COL15A1: variants seen among roughly 807,000 people sequenced by gnomAD.
The protein encoded by COL15A1 is collagen type XV alpha 1 chain.
In COL15A1, 111 loss-of-function variants were observed where a neutral mutation model predicts 165.9. That is an observed-to-expected ratio of 0.67 (90% confidence interval 0.57 to 0.78). The LOEUF is 0.78. COL15A1 is among the 30% of genes least tolerant of loss of function. The pLI is 0.00. For missense variants in COL15A1, 1,745 were observed against 1,789.7 expected (o/e 0.98, Z 0.45); for synonymous variants, 659 against 674.8 (o/e 0.98, Z 0.36).
At chr9:99,006,814 G>A (rs927867219) in intron 9 of COL15A1, among the ~76,000 whole-genome samples, 1 of 152,226 alleles carries the variant, frequency 6.6e-6, no homozygotes, top group African/African-American at 2.4e-5. Context: ...TCTGAAGATA[G>A]AAGGGCTATC....
At position 98,952,235 on chromosome 9, in the gene COL15A1, A is replaced by G. The variant is rs374600808; in HGVS notation, c.100+7985A>G. On this transcript the variant is annotated intron_variant, in intron 2 of 41. Coordinates refer to ENST00000375001, the MANE Select transcript of COL15A1 (RefSeq NM_001855.5). Reference sequence around the variant, plus strand: ...TCTCTGTGGTGTGTAAGTCATTCCAATTCTTCCATGGCTTTGTCAGCTGTA... The same window carrying G: ...TCTCTGTGGTGTGTAAGTCATTCCAGTTCTTCCATGGCTTTGTCAGCTGTA... Among the ~76,000 whole-genome samples the G allele has an allele frequency of 1.4e-4, 21 of 152,258 alleles. No individual in the cohort carries two copies. The East Asian group carries it at 3.7e-3, about 27-fold the overall frequency.
In COL15A1 at chr9:98,964,671, G is replaced by C. The variant is rs555072440; in HGVS notation, c.100+20421G>C. On this transcript the variant is annotated intron_variant, in intron 2 of 41. Coordinates refer to ENST00000375001, the MANE Select transcript of COL15A1 (RefSeq NM_001855.5). ...GGGTACCTAGTGTGTACCAAGCTCT[G>C]TATGAGGCCCTTTCCCATGCCATCT... Among the ~76,000 whole-genome samples, 8 of 152,326 alleles carry C rather than the reference G, an allele frequency of 5.3e-5. No individual in the cohort carries two copies. In the South Asian group the frequency reaches 1.5e-3, roughly 28 times the overall value.
rs776035195 is a variant in COL15A1, at chr9:99,035,093, C to T, written c.2159C>T (p.Pro720Leu). ...QAGPPGVMGP[P>L]GPPGPPGPPG... ...GGCCCTCCTGGGGTCATGGGACCCC[C>T]AGGGCCTCCTGGACCCCCTGGGCCC... The change falls in exon 18 of 42, where the codon CCA becomes CTA. Residue 720 changes from proline (P) to leucine (L), a missense_variant. Transcript: ENST00000375001. 2 of 1,608,860 alleles carry T rather than the reference C, an allele frequency of 1.2e-6. No homozygotes were observed. Among genetic ancestry groups the T allele is most frequent in the South Asian group, 1.1e-5 (1 of 90,952 alleles).
chr9:99,069,785 C>T lies in COL15A1; in HGVS notation c.4066C>T (p.Leu1356=). Reference sequence around the variant, plus strand: ...AGCGGTCACGGGACTTGCCTCCCCGCTGAGCACGGGGAAGATTCTGGACCA... The same window carrying T: ...AGCGGTCACGGGACTTGCCTCCCCGTTGAGCACGGGGAAGATTCTGGACCA... ...DTAVTGLASP[L]STGKILDQKA... Residue 1356 remains leucine, a synonymous_variant, in exon 42 of 42, where the codon CTG becomes TTG. Coordinates refer to ENST00000375001, the MANE Select transcript of COL15A1 (RefSeq NM_001855.5). 4 of 1,614,244 alleles carry T rather than the reference C, an allele frequency of 2.5e-6. 1 individual carries two copies. The South Asian group carries it at 4.4e-5, about 18-fold the overall frequency.
chr9:99,007,651 A>G (rs1396186343), intron 9 of COL15A1, among the ~76,000 whole-genome samples: 2 of 152,248 alleles, frequency 1.3e-5, no homozygotes, highest in Non-Finnish European at 2.9e-5. Context: ...GATATAGGTC[A>G]TATTACTCTG....
intron 9 of COL15A1, 106 bp downstream of exon 9, chr9:99,005,156 CG>C (rs1249022312): frequency 8.4e-6 from 10 of 1,193,920 alleles, no homozygotes; most frequent in South Asian, 4.7e-5. Context: ...GCCTGAGGCA[CG>C]GGGATCTCTG....
intron 35 of COL15A1, among the ~76,000 whole-genome samples, chr9:99,056,947 C>G (rs1825729584): frequency 6.6e-6 from 1 of 152,214 alleles, no homozygotes. Flanking sequence ...ATTCATTAAT[C>G]TGTTCATGGA....
chr9:98,964,112 C>G (rs938315845), intron 2 of COL15A1, among the ~76,000 whole-genome samples: 10 of 152,228 alleles, frequency 6.6e-5, no homozygotes, highest in African/African-American at 2.2e-4. Flanking sequence ...GACTTACATA[C>G]AAGTTTCTCT....
intron 28 of COL15A1, among the ~76,000 whole-genome samples, chr9:99,048,854 G>A (rs762104968): frequency 6.6e-6 from 1 of 151,982 alleles, no homozygotes; most frequent in Non-Finnish European, 1.5e-5. Context: ...TAGAAGTCAA[G>A]GCACCCACCC....
chr9:98,945,696 T>C (rs1035560415), intron 2 of COL15A1, among the ~76,000 whole-genome samples: 4 of 152,212 alleles, frequency 2.6e-5, no homozygotes, highest in African/African-American at 9.7e-5. Context: ...AGCTGGAGTA[T>C]AGTTTTAGCT....
chr9:99,022,118 C>T lies in COL15A1; in HGVS notation c.1729C>T (p.Pro577Ser). The T allele has an allele frequency of 6.2e-7, 1 of 1,614,096 alleles. No individual in the cohort carries two copies. Among genetic ancestry groups the T allele is most frequent in the East Asian group, 2.2e-5 (1 of 44,872 alleles). ...KGDAGEELPG[P>S]PEPSGPVGPT... The stretch of plus-strand genomic sequence containing the variant: ...TGATGCTGGGGAGGAGCTTCCTGGC[C>T]CTCCTGAACCTTCTGGGCCTGTTGG... Residue 577 changes from proline (P) to serine (S), a missense_variant, in exon 13 of 42, where the codon CCT becomes TCT. By Grantham distance (74) the Pro-to-Ser change is moderately conservative. Coordinates refer to ENST00000375001, the MANE Select transcript of COL15A1 (RefSeq NM_001855.5).
Position 99,049,741 on chromosome 9 carries a change from G to A in COL15A1, c.2845G>A (p.Val949Met), listed in dbSNP as rs763816208. 2 of 1,614,228 alleles carry A rather than the reference G, an allele frequency of 1.2e-6. No homozygotes were observed. Among genetic ancestry groups the A allele is most frequent in the South Asian group, 2.2e-5 (2 of 91,082 alleles). Residue 949 changes from valine to methionine, a missense_variant, in exon 29 of 42, where the codon GTG becomes ATG. Transcript: ENST00000375001. Reference sequence around the variant, plus strand: ...AGGCCCCCCTGGGCCACCTGGAGCTGTGATTAACATCAAAGGAGTAAGTTG... The same window carrying A: ...AGGCCCCCCTGGGCCACCTGGAGCTATGATTAACATCAAAGGAGTAAGTTG... ...PPGPPGPPGAVINIKGAIFPI... is the reference protein window; with the variant it reads ...PPGPPGPPGAMINIKGAIFPI...
Position 99,028,480 on chromosome 9 carries a change from G to A in COL15A1, c.2043+2514G>A, listed in dbSNP as rs142257615. Among the ~76,000 whole-genome samples the A allele has an allele frequency of 2.8e-3, 431 of 152,078 alleles. 1 individual carries two copies. The highest frequency in any genetic ancestry group is 9.8e-3 in the African/African-American group (407 of 41,474). On this transcript the variant is annotated intron_variant, in intron 16 of 41. Transcript: ENST00000375001. ...AGCCTGACCAACATGGTGGAACTTCGTCTCTACTAAAAATACAAAAATTAG... is the reference window on the plus strand; with the variant it reads ...AGCCTGACCAACATGGTGGAACTTCATCTCTACTAAAAATACAAAAATTAG...
intron 30 of COL15A1, among the ~76,000 whole-genome samples, chr9:99,050,494 G>A (rs1047513023): frequency 6.6e-6 from 1 of 152,170 alleles, no homozygotes; most frequent in Non-Finnish European, 1.5e-5. Context: ...GAGGGGTCAG[G>A]CACTTGCCCG....
At chr9:99,000,028 A>G (rs1838621131) in intron 6 of COL15A1, among the ~76,000 whole-genome samples, 2 of 151,866 alleles carry the variant, frequency 1.3e-5, no homozygotes, top group African/African-American at 4.8e-5. Flanking sequence ...GTGGAATCAC[A>G]CCTGGCTAAT....
chr9:99,013,398 A>G (rs536669173), intron 9 of COL15A1, among the ~76,000 whole-genome samples: 1 of 152,270 alleles, frequency 6.6e-6, no homozygotes, highest in African/African-American at 2.4e-5. Context: ...TCATTCTCCC[A>G]TTTATCTGTG....
At chr9:99,038,575 A>T in intron 21 of COL15A1, 93 bp from the exon 22 acceptor site, 3 of 803,890 alleles carry the variant, frequency 3.7e-6, no homozygotes, top group Non-Finnish European at 6.6e-6. Flanking sequence ...GTGTTCCGCT[A>T]TGCTGGGTGA....
Position 99,047,809 on chromosome 9 carries a change from T to C in COL15A1, c.2703T>C (p.His901=). 6.2e-7 allele frequency: 1 copy of C among 1,613,952 alleles called. No individual in the cohort carries two copies. Among genetic ancestry groups the C allele is most frequent in the African/African-American group, 1.3e-5 (1 of 74,956 alleles). The change falls in exon 27 of 42, where the codon CAT becomes CAC. Residue 901 remains histidine (H), a synonymous_variant. Coordinates refer to ENST00000375001, the MANE Select transcript of COL15A1 (RefSeq NM_001855.5). ...GPMGPKGPPG[H]KGEFGLPGRP... ...AGGGGCCCAAAGGACCACCAGGACA[T>C]AAAGGAGAATTTGGCCTTCCCGGGC... is the stretch of plus-strand genomic sequence containing the variant.
chr9:99,035,371 A>G lies in COL15A1; in HGVS notation c.2242A>G (p.Thr748Ala), dbSNP rs1839283183. 2 of 1,614,140 alleles carry G rather than the reference A, an allele frequency of 1.2e-6. No homozygotes were observed. The highest frequency in any genetic ancestry group is 2.2e-5 in the East Asian group (1 of 44,876). Residue 748 changes from threonine (T) to alanine (A), a missense_variant, in exon 19 of 42, where the codon ACC becomes GCC. Thr to Ala is a moderately conservative substitution (Grantham distance 58). Transcript: ENST00000375001. ...GFEDTEGSGS[T>A]QLLNEPKLSR... is the part of the protein sequence containing the mutation. ...CCAGGATACCGAAGGCTCTGGAAGC[A>G]CCCAGCTATTGAATGAACCCAAACT...
Sources: allele counts gnomAD v4.1 joint callset (sites outside exome capture counted in the v4.1 genomes callset), GRCh38; gene constraint gnomAD v4.1.1; transcripts MANE v1.5; gene names NCBI Gene and HGNC (gene_info 2026-07-23, HGNC 2026-07-21).